TNS1: variants seen among roughly 807,000 people sequenced by gnomAD.
TNS1 encodes tensin-1.
Under a neutral mutation model 168.6 loss-of-function variants are expected in TNS1, and 62 were observed. That is an observed-to-expected ratio of 0.37 (90% CI 0.30 to 0.45). The LOEUF is 0.45. Ranked by LOEUF, TNS1 falls within the 20% of genes least tolerant of loss-of-function variation. The pLI is 1.00. For synonymous variants in TNS1, 934 were observed against 933.2 expected (o/e 1.00, Z -0.02); for missense variants, 2,240 against 2,339.4 (o/e 0.96, Z 0.88).
At chr2:217,836,312 G>A in intron 19 of TNS1, 101 bp from the exon 20 acceptor site, 2 of 1,188,848 alleles carry the variant, frequency 1.7e-6, no homozygotes, top group Non-Finnish European at 2.3e-6. Context: ...CTAGCTCAGA[G>A]GCCATGCTGG....
At chr2:217,993,153 G>A (rs180687810) in intron 1 of TNS1, among the ~76,000 whole-genome samples, 38 of 152,256 alleles carry the variant, frequency 2.5e-4, no homozygotes, top group Non-Finnish European at 2.5e-4. Context: ...AGGCTGTACC[G>A]TCTGGGTATA....
chr2:217,990,479 G>A (rs1479335443), intron 2 of TNS1, among the ~76,000 whole-genome samples: 8 of 132,492 alleles, frequency 6.0e-5, no homozygotes, highest in South Asian at 2.5e-4. Context: ...TCATCCACAC[G>A]CCATCCACAT....
rs1958909130 is a variant in TNS1, at chr2:218,032,902, C to T, written c.156+918G>A. ...CTCGTCCCCATCCCTCTCCCTGCCACTGTCACACACCGGCACACACACCCT... is the reference window on the plus strand; with the variant it reads ...CTCGTCCCCATCCCTCTCCCTGCCATTGTCACACACCGGCACACACACCCT... On this transcript the variant is annotated intron_variant, in intron 1 of 1. Transcript: ENST00000649572. This position sits in a 1 kb window ranked among gnomAD's most constrained non-coding sequence, Gnocchi z 4.0. Among the ~76,000 whole-genome samples, 1 of 152,150 alleles carries T rather than the reference C, an allele frequency of 6.6e-6. No homozygotes were observed. Among genetic ancestry groups the T allele is most frequent in the Non-Finnish European group, 1.5e-5 (1 of 68,008 alleles).
At chr2:218,006,783 T>C (rs1447943693), upstream of TNS1, among the ~76,000 whole-genome samples, 4 of 152,140 alleles carry the variant, frequency 2.6e-5, no homozygotes, top group Non-Finnish European at 4.4e-5. Context: ...ATAAAATATT[T>C]TTACAAAATT....
intron 2 of TNS1, among the ~76,000 whole-genome samples, chr2:217,988,341 C>T (rs1401345468): frequency 6.6e-6 from 1 of 152,234 alleles, no homozygotes; most frequent in East Asian, 1.9e-4. Flanking sequence ...CAACCCAAGC[C>T]CTCAGGCCAG....
At chr2:217,857,704 C>A (rs3791960) in intron 18 of TNS1, among the ~76,000 whole-genome samples, 48,124 of 152,032 alleles carry the variant, frequency 0.32, 8,022 homozygotes, top group Middle Eastern at 0.42. Flanking sequence ...ATCTGCCCTG[C>A]CCTGGATGGC....
chr2:217,906,305 C>T, intron 6 of TNS1, 30 bp downstream of exon 6: 1 of 701,514 alleles, frequency 1.4e-6, no homozygotes, highest in Non-Finnish European at 2.6e-6. Flanking sequence ...AGGGCCCAGC[C>T]CCATCCTTCT....
At chr2:218,010,435 C>A (rs930488410), upstream of TNS1, 10 of 374,936 alleles carry the variant, frequency 2.7e-5, no homozygotes, top group African/African-American at 2.1e-4. Context: ...CTCCGGGGAA[C>A]CCCCACGGGG....
At chr2:218,025,097 AC>A (rs1218753460) in intron 1 of TNS1, among the ~76,000 whole-genome samples, 1 of 151,274 alleles carries the variant, frequency 6.6e-6, no homozygotes, top group African/African-American at 2.4e-5. Context: ...GGTCACCCCT[AC>A]CCACCCCTCC....
At chr2:217,978,927 G>T (rs1288326504) in intron 2 of TNS1, 125 bp from the exon 3 acceptor site, 9 of 676,368 alleles carry the variant, frequency 1.3e-5, no homozygotes, top group Non-Finnish European at 2.4e-5. Context: ...AGGAGGGACG[G>T]AGGGAAGGAG....
intron 3 of TNS1, among the ~76,000 whole-genome samples, chr2:217,972,631 G>C (rs966588424): frequency 2.0e-5 from 3 of 152,230 alleles, no homozygotes; most frequent in African/African-American, 7.2e-5. Context: ...GAAGCCAGTG[G>C]ATAAGAAAGA....
At chr2:217,869,448 G>T (rs1459029320) in intron 18 of TNS1, among the ~76,000 whole-genome samples, 1 of 152,222 alleles carries the variant, frequency 6.6e-6, no homozygotes, top group African/African-American at 2.4e-5. Context: ...ATGCTGCTGT[G>T]AGCTGAATGG....
chr2:217,829,601 G>A (rs1298041203), intron 22 of TNS1, among the ~76,000 whole-genome samples: 2 of 152,290 alleles, frequency 1.3e-5, no homozygotes, highest in Non-Finnish European at 2.9e-5. Context: ...GACACTGCAG[G>A]AGCCCCCAGA....
At chr2:217,898,083 G>C (rs1952516640) in intron 7 of TNS1, 114 bp from the exon 8 acceptor site, 1 of 1,235,440 alleles carries the variant, frequency 8.1e-7, no homozygotes, top group African/African-American at 1.6e-5. Flanking sequence ...AGCCCAGGGT[G>C]CTTGGCTGCT....
intron 18 of TNS1, among the ~76,000 whole-genome samples, chr2:217,860,040 T>C (rs1490509876): frequency 6.6e-6 from 1 of 152,198 alleles, no homozygotes; most frequent in African/African-American, 2.4e-5. Flanking sequence ...GGGCCCCAGT[T>C]AGTTTGCAAC....
chr2:218,005,725 T>C (rs1165629954), upstream of TNS1, among the ~76,000 whole-genome samples: 2 of 152,064 alleles, frequency 1.3e-5, no homozygotes, highest in Non-Finnish European at 2.9e-5. Context: ...CTCAATCAAT[T>C]AGTCAATGGA....
chr2:217,972,832 C>A (rs539349037), intron 3 of TNS1, among the ~76,000 whole-genome samples: 2 of 152,184 alleles, frequency 1.3e-5, no homozygotes, highest in African/African-American at 2.4e-5. Context: ...CAAAATGTAT[C>A]CAGGGGCTAG....
chr2:217,970,195 C>T (rs765097193), intron 3 of TNS1, among the ~76,000 whole-genome samples: 1 of 152,220 alleles, frequency 6.6e-6, no homozygotes, highest in Non-Finnish European at 1.5e-5. Context: ...GGAGCACAGG[C>T]CTGCCAACAC....
intron 18 of TNS1, among the ~76,000 whole-genome samples, chr2:217,860,268 A>G (rs1948661060): frequency 6.6e-6 from 1 of 152,160 alleles, no homozygotes; most frequent in African/African-American, 2.4e-5. Context: ...GAGGGTAAAG[A>G]AAGAAAATAA....
Sources: allele counts gnomAD v4.1 joint callset (sites outside exome capture counted in the v4.1 genomes callset), GRCh38; gene constraint gnomAD v4.1.1; non-coding constraint Gnocchi (gnomAD v3.1); transcripts MANE v1.5; gene names NCBI Gene and HGNC (gene_info 2026-07-23, HGNC 2026-07-21).